The following KLHL13 variants were observed in gnomAD, a reference collection of about 807,000 sequenced individuals.
KLHL13 encodes kelch like family member 13, also known as kelch-like protein 13.
Under a neutral mutation model 37.1 loss-of-function variants are expected in KLHL13, and 10 were observed. That is an observed-to-expected ratio of 0.27 (90% confidence interval 0.17 to 0.46). The LOEUF is 0.46. KLHL13 is among the 20% of genes least tolerant of loss of function. The pLI, the probability that KLHL13 is intolerant of heterozygous loss-of-function variation, is 1.00. For missense variants in KLHL13, 360 were observed against 509.3 expected (o/e 0.71, Z 2.82); for synonymous variants, 163 against 181.2 (o/e 0.90, Z 0.81).
intron 1 of KLHL13, among the ~76,000 whole-genome samples, chrX:118,116,108 C>T (rs1256586827): frequency 9.0e-6 from 1 of 111,650 alleles, no homozygotes; most frequent in Non-Finnish European, 1.9e-5. Flanking sequence ...GATTAGGAGG[C>T]ACAAAGCAGA....
At chrX:118,007,362 G>T (rs1452350396) in intron 1 of KLHL13, among the ~76,000 whole-genome samples, 1 of 73,040 alleles carries the variant, frequency 1.4e-5, no homozygotes, top group African/African-American at 5.5e-5. Context: ...AACAGAAGGA[G>T]ACCCTGTCAA....
chrX:117,935,968 C>T (rs934885739), intron 2 of KLHL13, among the ~76,000 whole-genome samples: 2 of 111,406 alleles, frequency 1.8e-5, no homozygotes, highest in Admixed American at 1.9e-4. Flanking sequence ...TTGATTTGCA[C>T]AATAAATGGG....
At chrX:117,942,008 T>C (rs1182352600) in intron 2 of KLHL13, among the ~76,000 whole-genome samples, 1 of 112,203 alleles carries the variant, frequency 8.9e-6, no homozygotes, top group Non-Finnish European at 1.9e-5. Context: ...TTTAGCTGTG[T>C]CCCAGAGATT....
chrX:118,094,503 A>C (rs1379088829), intron 1 of KLHL13, among the ~76,000 whole-genome samples: 1 of 111,379 alleles, frequency 9.0e-6, no homozygotes, highest in African/African-American at 3.3e-5. Flanking sequence ...CAATCTAGCA[A>C]GGCAGGCCAA....
At chrX:118,057,611 A>G (rs1014765631) in intron 1 of KLHL13, among the ~76,000 whole-genome samples, 2 of 111,603 alleles carry the variant, frequency 1.8e-5, no homozygotes, top group African/African-American at 3.3e-5. Context: ...ACGAGGTCAG[A>G]AGATCGAGAC....
upstream of KLHL13, among the ~76,000 whole-genome samples, chrX:117,976,978 C>T (rs754742622): frequency 9.0e-5 from 10 of 111,515 alleles, no homozygotes; most frequent in African/African-American, 3.3e-4. Flanking sequence ...AGCTAACTTG[C>T]CCAATGTTGT....
rs866493757 is a variant in KLHL13 at position 117,930,338 on chromosome X, A to C, written c.241-9968T>G. On this transcript the variant is annotated intron_variant, in intron 2 of 6. Transcript: ENST00000262820. Reference sequence around the variant, plus strand: ...GCAGGCAGGAAGGCAGGAAGGCAGGAAGGCAGGCAGGCAGGCAGGCAGGCT... The same window carrying C: ...GCAGGCAGGAAGGCAGGAAGGCAGGCAGGCAGGCAGGCAGGCAGGCAGGCT... Among the ~76,000 whole-genome samples, 78 of 103,552 alleles carry C rather than the reference A, an allele frequency of 7.5e-4. 1 individual carries two copies. The highest frequency in any genetic ancestry group is 4.9e-3 in the Middle Eastern group (1 of 206). 89.9% of individuals were successfully genotyped at this position (103,552 alleles called of 115,157 possible).
chrX:118,039,357 C>T (rs941887367), intron 1 of KLHL13, among the ~76,000 whole-genome samples: 2 of 112,021 alleles, frequency 1.8e-5, no homozygotes, highest in Admixed American at 1.9e-4. Context: ...GAGCCCACTG[C>T]CCTGAAGAGA....
chrX:117,963,214 A>G (rs1027621694), intron 1 of KLHL13, among the ~76,000 whole-genome samples: 1 of 111,122 alleles, frequency 9.0e-6, no homozygotes, highest in East Asian at 2.8e-4. Flanking sequence ...TGTGGGGGGG[A>G]AATGGGTAAA....
rs190228839 is a variant in KLHL13 at position 118,026,353 on chromosome X, T to A, written c.-55-80778A>T. Among the ~76,000 whole-genome samples the A allele has an allele frequency of 1.6e-3, 181 of 111,974 alleles. 2 individuals are homozygous for A. The highest frequency in any genetic ancestry group is 5.7e-3 in the African/African-American group (175 of 30,902). On this transcript the variant is annotated intron_variant, in intron 1 of 6. Transcript: ENST00000371882. Reference sequence around the variant, plus strand: ...GAAAAAAACTATGCATGGATTTCAATTTTTTTGCATGAAAATAAACTCATA... The same window carrying A: ...GAAAAAAACTATGCATGGATTTCAAATTTTTTGCATGAAAATAAACTCATA...
chrX:117,924,693 T>C (rs1390807462), intron 2 of KLHL13, among the ~76,000 whole-genome samples: 1 of 111,265 alleles, frequency 9.0e-6, no homozygotes, highest in Non-Finnish European at 1.9e-5. Flanking sequence ...ATCTCAACAC[T>C]TATCTTAGTT....
At chrX:118,005,825 A>C in intron 1 of KLHL13, among the ~76,000 whole-genome samples, 1 of 112,022 alleles carries the variant, frequency 8.9e-6, no homozygotes, top group Non-Finnish European at 1.9e-5. Context: ...AGTTATGGTA[A>C]TTTGTTACAG....
intron 1 of KLHL13, among the ~76,000 whole-genome samples, chrX:118,105,549 T>C (rs1342926283): frequency 8.9e-6 from 1 of 112,759 alleles, no homozygotes; most frequent in Non-Finnish European, 1.9e-5. Flanking sequence ...TCATAATGAG[T>C]GCAATAATGA....
chrX:117,995,190 T>C (rs1261784344), intron 1 of KLHL13, among the ~76,000 whole-genome samples: 1 of 112,452 alleles, frequency 8.9e-6, no homozygotes, highest in Admixed American at 9.4e-5. Context: ...CATCTTATTT[T>C]TTCTTTAAAA....
intron 1 of KLHL13, among the ~76,000 whole-genome samples, chrX:118,009,660 A>G (rs1458360968): frequency 2.7e-5 from 1 of 36,637 alleles, no homozygotes; most frequent in Non-Finnish European, 4.8e-5. Flanking sequence ...GTAGCCTTGT[A>G]GTATAGTTTG....
At chrX:118,049,209 ACT>A (rs1239419819) in intron 1 of KLHL13, among the ~76,000 whole-genome samples, 3 of 111,775 alleles carry the variant, frequency 2.7e-5, no homozygotes, top group Non-Finnish European at 5.6e-5. Context: ...TTTCTCTAGT[ACT>A]CTGTCTTCAA....
intron 1 of KLHL13, among the ~76,000 whole-genome samples, chrX:118,087,992 G>A (rs1292605894): frequency 1.8e-5 from 2 of 111,917 alleles, no homozygotes; most frequent in African/African-American, 6.5e-5. Flanking sequence ...TACACTTTTA[G>A]GATAAATTTT....
At chrX:118,102,724 G>A (rs1432297345) in intron 1 of KLHL13, among the ~76,000 whole-genome samples, 1 of 112,195 alleles carries the variant, frequency 8.9e-6, no homozygotes, top group Non-Finnish European at 1.9e-5. Flanking sequence ...TGCAGATAAA[G>A]CAGATCCCCA....
intron 5 of KLHL13, among the ~76,000 whole-genome samples, chrX:117,907,636 G>A (rs1432726919): frequency 9.0e-6 from 1 of 111,474 alleles, no homozygotes; most frequent in Non-Finnish European, 1.9e-5. Context: ...GACTGAGGAG[G>A]CCTAAAGAAC....
Sources: gnomAD v4.1 joint callset for allele counts (sites outside exome capture counted in the v4.1 genomes callset) on GRCh38, gnomAD v4.1.1 for gene constraint, MANE v1.5 for transcripts, NCBI Gene and HGNC (gene_info 2026-07-23, HGNC 2026-07-21) for gene names.